The following CA10 variants were observed in gnomAD, a reference collection of about 807,000 sequenced individuals.
CA10 encodes the protein carbonic anhydrase 10 (inactive).
In CA10, 14 loss-of-function variants were observed where a neutral mutation model predicts 44.2. The ratio of observed to expected loss-of-function variants is 0.32; its 90% confidence interval spans 0.21 to 0.50. The LOEUF is 0.50. CA10 is among the 20% of genes least tolerant of loss of function. The pLI, the probability that CA10 is intolerant of heterozygous loss-of-function variation, is 0.99. For synonymous variants in CA10, 159 were observed against 141.6 expected (o/e 1.12, Z -0.87); for missense variants, 350 against 409.7 (o/e 0.85, Z 1.26).
Position 51,651,233 on chromosome 17 carries a change from C to G in CA10, c.562-1979G>C, listed in dbSNP as rs184701729. On this transcript the variant is annotated intron_variant, in intron 5 of 8. Coordinates refer to ENST00000451037, the MANE Select transcript of CA10 (RefSeq NM_020178.5). ...GGGAGGACAACTACAAGAGGCTGTG[C>G]ACCCTTAGGGACCAAGAGCTTTGTT... Among the ~76,000 whole-genome samples the G allele has an allele frequency of 1.6e-3, 241 of 152,284 alleles. 2 individuals carry two copies. The highest frequency in any genetic ancestry group is 3.4e-3 in the Middle Eastern group (1 of 294).
intron 4 of CA10, among the ~76,000 whole-genome samples, chr17:51,703,837 T>G (rs1203667284): frequency 6.6e-6 from 1 of 151,934 alleles, no homozygotes; most frequent in Admixed American, 6.6e-5. Context: ...AAATAAGGAG[T>G]CAGTGCATGA....
In CA10 at chr17:51,710,491, T is replaced by C. The variant is rs537653870; in HGVS notation, c.465+37142A>G. Among the ~76,000 whole-genome samples the C allele has an allele frequency of 9.9e-5, 15 of 152,284 alleles. No homozygotes were observed. In the East Asian group the frequency reaches 2.9e-3, roughly 29 times the overall value. ...ACCTGGAGTTCAGAAGCCTGACTTC[T>C]CACCACCAGCAGAAAGACCTACTTA... is the stretch of plus-strand genomic sequence containing the variant. On this transcript the variant is annotated intron_variant, in intron 4 of 8. Coordinates refer to ENST00000451037, the MANE Select transcript of CA10 (RefSeq NM_020178.5).
At chr17:51,671,467 C>T (rs956757287) in intron 4 of CA10, among the ~76,000 whole-genome samples, 1 of 152,066 alleles carries the variant, frequency 6.6e-6, no homozygotes, top group African/African-American at 2.4e-5. Context: ...TGCAGTGGTG[C>T]GATCTTGGCT....
intron 4 of CA10, among the ~76,000 whole-genome samples, chr17:51,682,415 T>C (rs1914877174): frequency 6.6e-6 from 1 of 152,108 alleles, no homozygotes; most frequent in African/African-American, 2.4e-5. Context: ...CAAGACTGAT[T>C]ATATGGGGTT....
chr17:51,731,653 T>TTAAA lies in CA10; in HGVS notation c.465+15979_465+15980insTTTA, dbSNP rs1555592614. ...AAAAGACACAGAGGAAAGGGGCTGG[T>TTAAA]AAAAAAAAAAAAAAAAAAAAGATTT... On this transcript the variant is annotated intron_variant, in intron 4 of 8. Coordinates refer to ENST00000451037, the MANE Select transcript of CA10 (RefSeq NM_020178.5). 6.4e-5 allele frequency among the ~76,000 whole-genome samples: 7 copies of TTAAA among 109,190 alleles called. No individual in the cohort carries two copies. In the South Asian group the frequency reaches 1.1e-3, roughly 17 times the overall value. 71.6% of individuals were successfully genotyped at this position (109,190 alleles called of 152,430 possible).
At chr17:51,944,899 T>C (rs1299362839) in intron 2 of CA10, among the ~76,000 whole-genome samples, 1 of 152,170 alleles carries the variant, frequency 6.6e-6, no homozygotes, top group Non-Finnish European at 1.5e-5. Flanking sequence ...TCACATCTCT[T>C]TTCATTAGCA....
intron 4 of CA10, among the ~76,000 whole-genome samples, chr17:51,723,257 C>T (rs983529484): frequency 1.3e-5 from 2 of 152,286 alleles, no homozygotes; most frequent in African/African-American, 2.4e-5. Flanking sequence ...GGTGGGAGAA[C>T]TTGAACTGTG....
chr17:52,147,968 C>T (rs1045089208), intron 1 of CA10, among the ~76,000 whole-genome samples: 5 of 152,094 alleles, frequency 3.3e-5, no homozygotes, highest in East Asian at 1.9e-4. Flanking sequence ...CAGGTGATTA[C>T]AGGGTGAATT....
chr17:52,114,748 C>T (rs1988855757), intron 1 of CA10, among the ~76,000 whole-genome samples: 2 of 152,172 alleles, frequency 1.3e-5, no homozygotes, highest in Non-Finnish European at 2.9e-5. Context: ...TTACCCCACT[C>T]CTTCCACTAA....
At chr17:52,094,308 A>G (rs1371708402) in intron 1 of CA10, among the ~76,000 whole-genome samples, 3 of 124,058 alleles carry the variant, frequency 2.4e-5, no homozygotes, top group African/African-American at 1.1e-4. Flanking sequence ...ACCTAAATAA[A>G]TGTATAAAGC....
chr17:52,113,043 A>G (rs1361417714), intron 1 of CA10, among the ~76,000 whole-genome samples: 2 of 152,282 alleles, frequency 1.3e-5, no homozygotes, highest in Admixed American at 6.5e-5. Flanking sequence ...GGCCAGCCTA[A>G]CAACCCTGGC....
chr17:51,672,352 T>C (rs1433518231), intron 4 of CA10, among the ~76,000 whole-genome samples: 1 of 152,202 alleles, frequency 6.6e-6, no homozygotes, highest in Admixed American at 6.5e-5. Context: ...AACGAGTAAC[T>C]AGCACCTGGG....
chr17:51,910,810 C>T (rs933880395), intron 3 of CA10, among the ~76,000 whole-genome samples: 6 of 152,168 alleles, frequency 3.9e-5, no homozygotes, highest in African/African-American at 1.4e-4. Context: ...AAAATGCCAA[C>T]AGCAATTCCC....
At chr17:51,931,708 T>C (rs1450774904) in intron 2 of CA10, among the ~76,000 whole-genome samples, 1 of 152,122 alleles carries the variant, frequency 6.6e-6, no homozygotes, top group Non-Finnish European at 1.5e-5. Flanking sequence ...ACTGTGTCAT[T>C]AACCTAATGT....
At chr17:51,797,741 C>T (rs1906768706) in intron 3 of CA10, among the ~76,000 whole-genome samples, 1 of 149,844 alleles carries the variant, frequency 6.7e-6, no homozygotes, top group Non-Finnish European at 1.5e-5. Flanking sequence ...GTAATCCCAG[C>T]TACTCAGGCT....
chr17:51,893,927 G>A (rs1199693200), intron 3 of CA10, among the ~76,000 whole-genome samples: 1 of 151,924 alleles, frequency 6.6e-6, no homozygotes, highest in Non-Finnish European at 1.5e-5. Context: ...CACATATATG[G>A]CAATAGAATA....
At chr17:51,729,188 A>T (rs1160853587) in intron 4 of CA10, among the ~76,000 whole-genome samples, 1 of 152,106 alleles carries the variant, frequency 6.6e-6, no homozygotes, top group African/African-American at 2.4e-5. Context: ...ACACCTTGCT[A>T]TTCCTCAAAC....
intron 1 of CA10, among the ~76,000 whole-genome samples, chr17:52,094,534 A>C (rs1292396569): frequency 1.3e-5 from 2 of 152,164 alleles, no homozygotes; most frequent in African/African-American, 4.8e-5. Flanking sequence ...ATGAGTTGGG[A>C]GAAGATATAT....
At chr17:51,636,131 T>A (rs1597953019) in intron 6 of CA10, 122 bp from the exon 7 acceptor site, 2 of 509,170 alleles carry the variant, frequency 3.9e-6, no homozygotes, top group East Asian at 6.8e-5. Flanking sequence ...CACACAGATA[T>A]ATATGTATTT....
Sources: gnomAD v4.1 joint callset for allele counts (sites outside exome capture counted in the v4.1 genomes callset) on GRCh38, gnomAD v4.1.1 for gene constraint, MANE v1.5 for transcripts, NCBI Gene and HGNC (gene_info 2026-07-23, HGNC 2026-07-21) for gene names.